Variants in RUNDC3B observed in about 807,000 individuals in gnomAD.
RUNDC3B encodes RUN domain containing 3B.
A neutral mutation model predicts 58.4 loss-of-function variants in RUNDC3B; 33 were observed. The observed-to-expected ratio is 0.56, with a 90% CI of 0.43 to 0.75. RUNDC3B has a LOEUF of 0.75. RUNDC3B is among the 30% of genes least tolerant of loss of function. The pLI, the probability that RUNDC3B is intolerant of heterozygous loss-of-function variation, is 0.00. For synonymous variants in RUNDC3B, 193 were observed against 195.2 expected, an observed-to-expected ratio of 0.99 and a Z score of 0.10; for missense variants, 501 against 535.7, an observed-to-expected ratio of 0.94 and a Z score of 0.64.
At chr7:87,759,810 C>G (rs1833577502) in intron 6 of RUNDC3B, among the ~76,000 whole-genome samples, 2 of 151,042 alleles carry the variant, frequency 1.3e-5, no homozygotes, top group South Asian at 4.2e-4. Flanking sequence ...AAAAAAAAGT[C>G]CTTGAGGTGA....
chr7:87,692,821 T>C (rs540813092), intron 2 of RUNDC3B, among the ~76,000 whole-genome samples: 7 of 152,342 alleles, frequency 4.6e-5, no homozygotes, highest in South Asian at 2.1e-4. Context: ...AAGAACATTA[T>C]GTTCTAATAT....
At chr7:87,790,424 A>G (rs897238847) in intron 8 of RUNDC3B, among the ~76,000 whole-genome samples, 3 of 152,186 alleles carry the variant, frequency 2.0e-5, no homozygotes, top group Admixed American at 6.5e-5. Flanking sequence ...TAACTCTTCA[A>G]TGCCCCAAGA....
chr7:87,700,571 A>C lies in RUNDC3B; in HGVS notation c.372+17A>C, dbSNP rs1828942749. ...AGAGCTAAGGTAAGACATTGGTCAG[A>C]GACTCGTTTCTATTTTTTTTTTCAT... On this transcript the variant is annotated intron_variant, in intron 3 of 10. Transcript: ENST00000394654. 1 of 1,593,098 alleles carries C rather than the reference A, an allele frequency of 6.3e-7. No homozygotes were observed. The highest frequency in any genetic ancestry group is 1.4e-5 in the African/African-American group (1 of 73,806).
intron 2 of RUNDC3B, among the ~76,000 whole-genome samples, chr7:87,658,982 T>C (rs1824417430): frequency 1.3e-5 from 2 of 152,164 alleles, no homozygotes; most frequent in African/African-American, 4.8e-5. Flanking sequence ...CAAAACCCTG[T>C]CTCTACAAAA....
At chr7:87,677,319 A>C (rs1196482174) in intron 2 of RUNDC3B, among the ~76,000 whole-genome samples, 4 of 149,970 alleles carry the variant, frequency 2.7e-5, no homozygotes, top group Admixed American at 6.6e-5. Context: ...ACCACAATGG[A>C]ATACCATTTC....
chr7:87,691,875 C>A (rs977696313), intron 2 of RUNDC3B, among the ~76,000 whole-genome samples: 1 of 152,120 alleles, frequency 6.6e-6, no homozygotes, highest in African/African-American at 2.4e-5. Flanking sequence ...TGGGTCTTGG[C>A]AGCCTTGTCT....
chr7:87,751,611 G>C (rs938355395), intron 6 of RUNDC3B, among the ~76,000 whole-genome samples: 7 of 152,002 alleles, frequency 4.6e-5, no homozygotes, highest in Non-Finnish European at 1.0e-4. Flanking sequence ...TTGTAAGTTG[G>C]ATTCCTAGGT....
At chr7:87,751,240 T>G (rs1028713723) in intron 6 of RUNDC3B, among the ~76,000 whole-genome samples, 3 of 152,142 alleles carry the variant, frequency 2.0e-5, no homozygotes, top group African/African-American at 7.2e-5. Context: ...TTGATCTATA[T>G]CTCTGTTTTG....
intron 6 of RUNDC3B, among the ~76,000 whole-genome samples, chr7:87,766,935 G>T (rs894540183): frequency 6.6e-6 from 1 of 151,938 alleles, no homozygotes; most frequent in African/African-American, 2.4e-5. Flanking sequence ...AGGCTTTGTT[G>T]ATTTTTAATT....
intron 10 of RUNDC3B, among the ~76,000 whole-genome samples, chr7:87,822,227 G>A (rs1837501677): frequency 6.6e-6 from 1 of 152,144 alleles, no homozygotes; most frequent in African/African-American, 2.4e-5. Flanking sequence ...AGTGGGCGAA[G>A]GACATGAACA....
rs567313293 is a variant in RUNDC3B, at chr7:87,678,176, A to G, written c.239-22245A>G. ...TTTTCTCCTCTATTAAGGTCTTTCA[A>G]TATGACTACTCAAGCAATCCTCCCA... On this transcript the variant is annotated intron_variant, in intron 2 of 10. Transcript: ENST00000394654. 4.6e-5 allele frequency among the ~76,000 whole-genome samples: 7 copies of G among 152,340 alleles called. No homozygotes were observed. The East Asian group carries it at 1.2e-3, about 25-fold the overall frequency.
At chr7:87,783,841 GGTGTGT>G (rs1835071235) in intron 8 of RUNDC3B, among the ~76,000 whole-genome samples, 1 of 152,108 alleles carries the variant, frequency 6.6e-6, no homozygotes, top group African/African-American at 2.4e-5. Context: ...AGTCTTCTCT[GGTGTGT>G]ATAGTTTCTG....
chr7:87,768,919 T>C (rs1281910284), intron 6 of RUNDC3B, among the ~76,000 whole-genome samples: 6 of 152,302 alleles, frequency 3.9e-5, no homozygotes, highest in Non-Finnish European at 7.4e-5. Context: ...CTCTTTTTTT[T>C]TTTTCAATTA....
chr7:87,671,918 A>C (rs1825858910), intron 2 of RUNDC3B, among the ~76,000 whole-genome samples: 1 of 152,194 alleles, frequency 6.6e-6, no homozygotes, highest in African/African-American at 2.4e-5. Context: ...AAACACAGGC[A>C]GGAGTGCTGG....
At chr7:87,672,575 G>T (rs1377374353) in intron 2 of RUNDC3B, among the ~76,000 whole-genome samples, 1 of 152,176 alleles carries the variant, frequency 6.6e-6, no homozygotes, top group Non-Finnish European at 1.5e-5. Context: ...CACTTTGCCA[G>T]AGCTGCAACT....
intron 9 of RUNDC3B, among the ~76,000 whole-genome samples, chr7:87,810,774 T>C (rs1240282216): frequency 6.6e-6 from 1 of 152,190 alleles, no homozygotes; most frequent in African/African-American, 2.4e-5. Flanking sequence ...TGCTGGATTT[T>C]ATATCTTTTC....
At chr7:87,689,402 G>C (rs1207930179) in intron 2 of RUNDC3B, among the ~76,000 whole-genome samples, 2 of 152,006 alleles carry the variant, frequency 1.3e-5, no homozygotes, top group Non-Finnish European at 2.9e-5. Context: ...TGCAGTACTT[G>C]TAATGAGCAA....
At chr7:87,718,092 A>G (rs1229356591) in intron 4 of RUNDC3B, among the ~76,000 whole-genome samples, 1 of 152,190 alleles carries the variant, frequency 6.6e-6, no homozygotes, top group Non-Finnish European at 1.5e-5. Context: ...AGGAGGACTC[A>G]TAGTCTTATT....
intron 6 of RUNDC3B, among the ~76,000 whole-genome samples, chr7:87,770,153 T>A (rs1302345181): frequency 6.6e-6 from 1 of 152,076 alleles, no homozygotes; most frequent in Non-Finnish European, 1.5e-5. Context: ...TATACCCCAC[T>A]GTTATTAGCT....
Sources: gnomAD v4.1 joint callset for allele counts (sites outside exome capture counted in the v4.1 genomes callset) on GRCh38, gnomAD v4.1.1 for gene constraint, MANE v1.5 for transcripts, NCBI Gene and HGNC (gene_info 2026-07-23, HGNC 2026-07-21) for gene names.